Variants in PLCB1 observed in about 807,000 individuals in gnomAD.
PLCB1 encodes phospholipase C beta 1, also known as 1-phosphatidylinositol 4,5-bisphosphate phosphodiesterase beta-1.
PLCB1 carries 46 observed loss-of-function variants against 161.8 expected under a neutral mutation model. The observed-to-expected ratio is 0.28, with a 90% CI of 0.22 to 0.36. PLCB1 has a LOEUF of 0.36. Ranked by LOEUF, PLCB1 falls within the 10% of genes least tolerant of loss-of-function variation. The probability of loss-of-function intolerance (pLI) is 1.00; values close to 1 mark genes in which losing one functional copy is unlikely to be tolerated. For synonymous variants in PLCB1, 517 were observed against 503.7 expected (o/e 1.03, Z -0.35); for missense variants, 1,016 against 1,472.5 (o/e 0.69, Z 5.07).
chr20:8,258,392 A>T (rs778363903), intron 2 of PLCB1, among the ~76,000 whole-genome samples: 1 of 152,200 alleles, frequency 6.6e-6, no homozygotes, highest in Non-Finnish European at 1.5e-5. Context: ...AGTGCTATAG[A>T]ATCTTTACTA....
intron 2 of PLCB1, among the ~76,000 whole-genome samples, chr20:8,250,881 C>G (rs529468066): frequency 2.6e-5 from 4 of 152,054 alleles, no homozygotes; most frequent in South Asian, 2.1e-4. Flanking sequence ...TCCTTTTATT[C>G]ACAGAATTTA....
At chr20:8,168,377 G>A (rs771266649) in intron 2 of PLCB1, among the ~76,000 whole-genome samples, 19 of 152,088 alleles carry the variant, frequency 1.2e-4, no homozygotes, top group Non-Finnish European at 2.6e-4. Context: ...AAATATTAAG[G>A]CAATATGAAG....
At chr20:8,375,109 A>C (rs1221794196) in intron 3 of PLCB1, among the ~76,000 whole-genome samples, 2 of 152,230 alleles carry the variant, frequency 1.3e-5, no homozygotes, top group Non-Finnish European at 2.9e-5. Flanking sequence ...GCCAGTTTTA[A>C]AATTTCACAT....
Position 8,866,766 on chromosome 20 carries a change from G to T in PLCB1, c.3424-14856G>T, listed in dbSNP as rs146656274. ...CCATCATTGTTTTCAGCTTCACCTT[G>T]GGGGGAGAATTCAAGCACAACAAGC... On this transcript the variant is annotated intron_variant, in intron 31 of 31. Coordinates refer to ENST00000338037, the MANE Select transcript of PLCB1 (RefSeq NM_015192.4). Among the ~76,000 whole-genome samples, 64 of 152,164 alleles carry T rather than the reference G, an allele frequency of 4.2e-4. 1 individual carries two copies. Among genetic ancestry groups the T allele is most frequent in the African/African-American group, 9.6e-5 (4 of 41,514 alleles).
intron 2 of PLCB1, among the ~76,000 whole-genome samples, chr20:8,184,160 A>G (rs2051876293): frequency 6.6e-6 from 1 of 152,216 alleles, no homozygotes; most frequent in Non-Finnish European, 1.5e-5. Context: ...CTGTGCATAT[A>G]TACACATAGA....
intron 3 of PLCB1, among the ~76,000 whole-genome samples, chr20:8,416,097 T>C (rs1344015595): frequency 1.3e-5 from 2 of 152,242 alleles, no homozygotes; most frequent in African/African-American, 4.8e-5. Context: ...TTAAGGAATC[T>C]CCAAAACACA....
At chr20:8,292,268 T>C (rs1038090011) in intron 2 of PLCB1, among the ~76,000 whole-genome samples, 3 of 152,082 alleles carry the variant, frequency 2.0e-5, no homozygotes, top group African/African-American at 7.2e-5. Flanking sequence ...GCAAAGTTGA[T>C]TCCTTTCTAG....
chr20:8,829,186 G>A (rs2146274807), intron 31 of PLCB1, among the ~76,000 whole-genome samples: 1 of 152,254 alleles, frequency 6.6e-6, no homozygotes, highest in South Asian at 2.1e-4. Flanking sequence ...TACATTTCAT[G>A]TAAGCCTCTA....
intron 23 of PLCB1, among the ~76,000 whole-genome samples, chr20:8,756,723 A>G (rs1031886187): frequency 1.3e-5 from 2 of 152,154 alleles, no homozygotes; most frequent in Non-Finnish European, 2.9e-5. Flanking sequence ...AAAAATTTGC[A>G]AGGGTCTTTT....
intron 2 of PLCB1, among the ~76,000 whole-genome samples, chr20:8,295,832 C>T (rs1983600422): frequency 6.6e-6 from 1 of 152,110 alleles, no homozygotes; most frequent in Admixed American, 6.6e-5. Context: ...ACCTCAGCCT[C>T]CCGAGTAGAT....
At chr20:8,672,865 A>C (rs1258913174) in intron 9 of PLCB1, among the ~76,000 whole-genome samples, 1 of 152,042 alleles carries the variant, frequency 6.6e-6, no homozygotes, top group Non-Finnish European at 1.5e-5. Context: ...TAATCCCAGC[A>C]CTTTGGGAGG....
At chr20:8,584,143 T>C (rs1986915389) in intron 3 of PLCB1, among the ~76,000 whole-genome samples, 1 of 152,172 alleles carries the variant, frequency 6.6e-6, no homozygotes, top group African/African-American at 2.4e-5. Flanking sequence ...TTTGAACAAT[T>C]TTTTTGCTTC....
intron 3 of PLCB1, among the ~76,000 whole-genome samples, chr20:8,564,902 G>A (rs1024567719): frequency 7.9e-5 from 12 of 152,210 alleles, no homozygotes; most frequent in African/African-American, 2.9e-4. Context: ...GTGTAAATTA[G>A]TTCAACCATT....
intron 31 of PLCB1, among the ~76,000 whole-genome samples, chr20:8,875,361 T>C (rs1319251846): frequency 2.0e-5 from 3 of 149,090 alleles, no homozygotes; most frequent in Non-Finnish European, 4.5e-5. Flanking sequence ...CCTAAGATTG[T>C]TATTGGCTTC....
chr20:8,410,916 G>A (rs539178329), intron 3 of PLCB1, among the ~76,000 whole-genome samples: 34 of 152,290 alleles, frequency 2.2e-4, no homozygotes, highest in Middle Eastern at 3.4e-3. Context: ...TTAGAGCAAT[G>A]CCAAGGAATG....
chr20:8,826,060 T>G (rs1985680171), intron 31 of PLCB1, among the ~76,000 whole-genome samples: 1 of 152,158 alleles, frequency 6.6e-6, no homozygotes, highest in African/African-American at 2.4e-5. Flanking sequence ...ATGACTGAGA[T>G]GTTTTCAGGC....
intron 1 of PLCB1, among the ~76,000 whole-genome samples, chr20:8,136,062 A>G (rs542847031): frequency 2.6e-4 from 39 of 152,212 alleles, no homozygotes; most frequent in Admixed American, 4.6e-4. Context: ...TTCCATGCCT[A>G]AGCACTCTGT....
In PLCB1 at chr20:8,443,866, A is replaced by G. The variant is rs1049157763; in HGVS notation, c.246+72416A>G. On this transcript the variant is annotated intron_variant, in intron 3 of 31. Transcript: ENST00000338037. ...AACCCCTTCTTCCACCCCTACCCCA[A>G]TTCTTCCAGTCCAGGGGTCACAATA... Among the ~76,000 whole-genome samples the G allele has an allele frequency of 1.1e-4, 16 of 152,132 alleles. 1 individual carries two copies. The South Asian group carries it at 3.1e-3, about 30-fold the overall frequency.
At chr20:8,691,362 TAAA>T (rs1306206795) in intron 10 of PLCB1, among the ~76,000 whole-genome samples, 1 of 152,082 alleles carries the variant, frequency 6.6e-6, no homozygotes, top group Non-Finnish European at 1.5e-5. Context: ...TCAGAACAAG[TAAA>T]AACTGTATTT....
Sources: allele counts gnomAD v4.1 joint callset (sites outside exome capture counted in the v4.1 genomes callset), GRCh38; gene constraint gnomAD v4.1.1; transcripts MANE v1.5; gene names NCBI Gene and HGNC (gene_info 2026-07-23, HGNC 2026-07-21).